HS3ST5: variants seen among roughly 807,000 people sequenced by gnomAD.
HS3ST5 encodes the protein heparan sulfate-glucosamine 3-sulfotransferase 5, also known as heparan sulfate glucosamine 3-O-sulfotransferase 5.
A neutral mutation model predicts 25.4 loss-of-function variants in HS3ST5; 10 were observed. The observed-to-expected ratio is 0.39, with a 90% CI of 0.24 to 0.67. The LOEUF is 0.67. Among genes scored for constraint, HS3ST5 ranks in the 30% least tolerant of loss-of-function variants. HS3ST5 has a pLI of 0.44. For synonymous variants in HS3ST5, 170 were observed against 162.4 expected (o/e 1.05, Z -0.36); for missense variants, 324 against 420.7 (o/e 0.77, Z 2.01).
Position 114,058,114 on chromosome 6 carries a change from G to T in HS3ST5, c.184C>A (p.Gln62Lys). 6.2e-7 allele frequency: 1 copy of T among 1,614,040 alleles called. No homozygotes were observed. The highest frequency in any genetic ancestry group is 1.1e-5 in the South Asian group (1 of 91,080). Residue 62 changes from glutamine to lysine, a missense_variant, in exon 5 of 5, where the codon CAG becomes AAG. Gln to Lys is a moderately conservative substitution (Grantham distance 53). Around this residue, in one of 2 missense-constraint regions of HS3ST5, gnomAD observed 121 missense variants for 117.3 expected, o/e 1.03. Transcript: ENST00000312719. ...TCGTGCAGCAGGCCACGCTTAAACT[G>T]CAGGGCGCGAAGTGGGAATTCAGCC... is the stretch of plus-strand genomic sequence containing the variant. ...TQAEFPLRAL[Q>K]FKRGLLHEFR...
At chr6:114,282,427 A>C (rs1774154648) in intron 1 of HS3ST5, among the ~76,000 whole-genome samples, 3 of 151,874 alleles carry the variant, frequency 2.0e-5, no homozygotes, top group African/African-American at 7.3e-5. Context: ...AATAAACCTA[A>C]CACTTCTCAA....
At chr6:114,240,221 G>T (rs1772048160) in intron 1 of HS3ST5, among the ~76,000 whole-genome samples, 1 of 152,136 alleles carries the variant, frequency 6.6e-6, no homozygotes, top group Non-Finnish European at 1.5e-5. Flanking sequence ...CTGACCTGGG[G>T]CAAAGGGTGG....
chr6:114,203,375 C>T (rs1214115754), intron 2 of HS3ST5, among the ~76,000 whole-genome samples: 2 of 152,116 alleles, frequency 1.3e-5, no homozygotes, highest in African/African-American at 2.4e-5. Context: ...ACTGAACCGC[C>T]TTTGTAAGAC....
chr6:114,207,256 G>A (rs570671572), intron 2 of HS3ST5, among the ~76,000 whole-genome samples: 1 of 152,152 alleles, frequency 6.6e-6, no homozygotes, highest in South Asian at 2.1e-4. Context: ...CTGCAATTTA[G>A]TATTATTGCT....
At position 114,140,815 on chromosome 6, in the gene HS3ST5, A is replaced by C. The variant is rs1777867589; in HGVS notation, c.-33+27536T>G. On this transcript the variant is annotated intron_variant, in intron 3 of 4. Transcript: ENST00000312719. ...TGGAAGCAGTACAGGGCAGAGGCAA[A>C]GGCAAGATCTTGGAGCCTGGCAGTT... 2.0e-5 allele frequency among the ~76,000 whole-genome samples: 3 copies of C among 152,202 alleles called. No homozygotes were observed. The South Asian group carries it at 6.2e-4, about 31-fold the overall frequency.
At chr6:114,341,606 T>G (rs1274088484) in intron 1 of HS3ST5, among the ~76,000 whole-genome samples, 3 of 112,534 alleles carry the variant, frequency 2.7e-5, no homozygotes, top group East Asian at 2.4e-4. Flanking sequence ...CGCGCGCGCG[T>G]GTGTGTTGGG....
chr6:114,339,081 A>C (rs1776723031), intron 1 of HS3ST5, among the ~76,000 whole-genome samples: 1 of 152,154 alleles, frequency 6.6e-6, no homozygotes, highest in African/African-American at 2.4e-5. Flanking sequence ...TCTTCACTTA[A>C]TTGCAATCAT....
chr6:114,125,563 C>T lies in HS3ST5; in HGVS notation c.-33+42788G>A, dbSNP rs569356948. ...GGCATCATCTACATCAAAAGCAATT[C>T]TTAAGAAATTGGTAGTTAGGTAGAG... is the stretch of plus-strand genomic sequence containing the variant. On this transcript the variant is annotated intron_variant, in intron 3 of 4. Coordinates refer to ENST00000312719, the MANE Select transcript of HS3ST5 (RefSeq NM_153612.4). Among the ~76,000 whole-genome samples, 40 of 152,246 alleles carry T rather than the reference C, an allele frequency of 2.6e-4. No individual in the cohort carries two copies. The South Asian group carries it at 8.1e-3, about 31-fold the overall frequency.
chr6:114,213,280 T>A (rs1368630239), intron 2 of HS3ST5, among the ~76,000 whole-genome samples: 5 of 146,352 alleles, frequency 3.4e-5, no homozygotes, highest in African/African-American at 1.3e-4. Context: ...TCCTCTTCTC[T>A]CCTTCTTTGC....
chr6:114,289,583 T>C (rs1228933043), intron 1 of HS3ST5, among the ~76,000 whole-genome samples: 2 of 152,124 alleles, frequency 1.3e-5, no homozygotes, highest in Non-Finnish European at 2.9e-5. Flanking sequence ...GTTGGTTTCC[T>C]TGTAAATCAC....
chr6:114,208,314 C>A (rs1183502473), intron 2 of HS3ST5, among the ~76,000 whole-genome samples: 1 of 152,172 alleles, frequency 6.6e-6, no homozygotes, highest in Admixed American at 6.5e-5. Context: ...AAAAACACAT[C>A]ATAATTCACT....
At chr6:114,239,887 A>G (rs1314404593) in intron 1 of HS3ST5, among the ~76,000 whole-genome samples, 1 of 152,174 alleles carries the variant, frequency 6.6e-6, no homozygotes, top group African/African-American at 2.4e-5. Context: ...AACGTATAGC[A>G]TAACTTCCTT....
intron 3 of HS3ST5, among the ~76,000 whole-genome samples, chr6:114,075,898 A>T (rs896035051): frequency 4.6e-5 from 7 of 152,078 alleles, no homozygotes; most frequent in Non-Finnish European, 8.8e-5. Flanking sequence ...AACACTGAAA[A>T]TGGTGTCTGC....
chr6:114,117,808 G>T (rs1776604024), intron 3 of HS3ST5, among the ~76,000 whole-genome samples: 1 of 152,150 alleles, frequency 6.6e-6, no homozygotes, highest in African/African-American at 2.4e-5. Context: ...AGACATCTCT[G>T]CCCTGTATAA....
At chr6:114,063,320 C>T (rs1159187987) in intron 3 of HS3ST5, among the ~76,000 whole-genome samples, 1 of 151,940 alleles carries the variant, frequency 6.6e-6, no homozygotes, top group Non-Finnish European at 1.5e-5. Flanking sequence ...TTCAAGACCA[C>T]CCTGGCCAAG....
At chr6:114,086,841 G>T (rs1301395045) in intron 3 of HS3ST5, among the ~76,000 whole-genome samples, 12 of 152,158 alleles carry the variant, frequency 7.9e-5, no homozygotes, top group African/African-American at 2.2e-4. Flanking sequence ...ATTAAACTTT[G>T]AACAGAGAAG....
At chr6:114,269,961 A>G (rs913274279) in intron 1 of HS3ST5, among the ~76,000 whole-genome samples, 4 of 152,166 alleles carry the variant, frequency 2.6e-5, no homozygotes, top group African/African-American at 7.2e-5. Context: ...TGATCAGTCA[A>G]TGGGAGGAGA....
chr6:114,283,715 T>C (rs2114748592), intron 1 of HS3ST5, among the ~76,000 whole-genome samples: 1 of 152,098 alleles, frequency 6.6e-6, no homozygotes, highest in Non-Finnish European at 1.5e-5. Flanking sequence ...ATATGTTCCT[T>C]GAAAATTCCT....
intron 3 of HS3ST5, among the ~76,000 whole-genome samples, chr6:114,148,102 A>C (rs1298142564): frequency 6.6e-6 from 1 of 152,214 alleles, no homozygotes; most frequent in East Asian, 1.9e-4. Flanking sequence ...CCAATGGAAC[A>C]GAACAGAGAC....
Sources: allele counts gnomAD v4.1 joint callset (sites outside exome capture counted in the v4.1 genomes callset), GRCh38; gene constraint gnomAD v4.1.1; regional missense constraint gnomAD v4.1.1; transcripts MANE v1.5; gene names NCBI Gene and HGNC (gene_info 2026-07-23, HGNC 2026-07-21).